The following CLUL1 variants were observed in gnomAD, a reference collection of about 807,000 sequenced individuals.
The protein encoded by CLUL1 is clusterin like 1.
Under a neutral mutation model 49.4 loss-of-function variants are expected in CLUL1, and 43 were observed. The observed-to-expected ratio is 0.87, with a 90% CI of 0.68 to 1.12. The LOEUF (loss-of-function observed/expected upper bound fraction) is 1.12. Among genes scored for constraint, CLUL1 ranks in the 50% most tolerant of loss-of-function variants. The pLI, the probability that CLUL1 is intolerant of heterozygous loss-of-function variation, is 0.00. For synonymous variants in CLUL1, 192 were observed against 184.9 expected, an observed-to-expected ratio of 1.04 and a Z score of -0.31; for missense variants, 486 against 544.4, an observed-to-expected ratio of 0.89 and a Z score of 1.07.
At position 633,229 on chromosome 18, in the gene CLUL1, G is replaced by A. The variant is rs2074037211; in HGVS notation, c.857-69G>A. On this transcript the variant is annotated intron_variant, in intron 6 of 9. Transcript: ENST00000692774. ...AAAGCACTGGTAAGAAAAAGCTGCG[G>A]CATTGTCTCCACTTCTTCAAAGTGC... 3.7e-6 allele frequency: 5 copies of A among 1,339,452 alleles called. No homozygotes were observed. In the South Asian group the frequency reaches 4.5e-5, roughly 12 times the overall value. The allele number at this position is 1,339,452 out of a possible 1,614,324, so 83.0% of individuals were successfully genotyped here.
At chr18:642,013 G>A (rs1016202303) in intron 8 of CLUL1, among the ~76,000 whole-genome samples, 2 of 152,190 alleles carry the variant, frequency 1.3e-5, no homozygotes, top group Non-Finnish European at 2.9e-5. Flanking sequence ...CCTATAAAGT[G>A]ATTAGTATAG....
intron 6 of CLUL1, among the ~76,000 whole-genome samples, chr18:630,739 T>G (rs2073972600): frequency 7.8e-6 from 1 of 128,694 alleles, no homozygotes; most frequent in Admixed American, 9.7e-5. Flanking sequence ...CAGGCTGGAG[T>G]GCAGTGGTGC....
At chr18:613,094 AT>A (rs1156822934) in intron 2 of CLUL1, 1 of 376,044 alleles carries the variant, frequency 2.7e-6, no homozygotes, top group African/African-American at 2.1e-5. Context: ...TCTAGATTCA[AT>A]GCCTACTTTT....
chr18:602,343 T>A (rs1156836048), intron 1 of CLUL1, among the ~76,000 whole-genome samples: 1 of 152,094 alleles, frequency 6.6e-6, no homozygotes, highest in Non-Finnish European at 1.5e-5. Flanking sequence ...CTCTATTTCT[T>A]CCCCTCTCCC....
chr18:649,437 C>A (rs1403932897), intron 9 of CLUL1, among the ~76,000 whole-genome samples: 1 of 152,134 alleles, frequency 6.6e-6, no homozygotes, highest in Non-Finnish European at 1.5e-5. Flanking sequence ...TCATAGCTGC[C>A]GGCCCTGGGA....
At chr18:644,479 C>T (rs753140402) in intron 8 of CLUL1, among the ~76,000 whole-genome samples, 12 of 152,206 alleles carry the variant, frequency 7.9e-5, no homozygotes, top group Non-Finnish European at 1.6e-4. Context: ...CAGCAAACAT[C>T]CCACCTCCTC....
chr18:622,966 C>A (rs1046439766), intron 4 of CLUL1, among the ~76,000 whole-genome samples: 1 of 151,504 alleles, frequency 6.6e-6, no homozygotes, highest in Non-Finnish European at 1.5e-5. Flanking sequence ...GGACAATGAG[C>A]AGAATATGTA....
chr18:617,805 TG>T (rs2073346123), intron 2 of CLUL1, among the ~76,000 whole-genome samples, 182 bp from the exon 3 acceptor site: 1 of 152,062 alleles, frequency 6.6e-6, no homozygotes, highest in Non-Finnish European at 1.5e-5. Context: ...GACTAGAATT[TG>T]TTTGTTTTTT....
chr18:641,292 T>A (rs1470617519), intron 7 of CLUL1, 35 bp from the exon 8 acceptor site: 1 of 1,595,536 alleles, frequency 6.3e-7, no homozygotes, highest in Admixed American at 1.7e-5. Flanking sequence ...TTTCATGGAC[T>A]TTTTCCTTCT....
At chr18:642,678 C>A (rs7237052) in intron 8 of CLUL1, among the ~76,000 whole-genome samples, 64,677 of 151,954 alleles carry the variant, frequency 0.43, 14,750 homozygotes, top group East Asian at 0.68. Context: ...ATTGAAGATG[C>A]AATATTCTGT....
chr18:649,534 T>C (rs1219051298), intron 9 of CLUL1: 1 of 166,476 alleles, frequency 6.0e-6, no homozygotes, highest in East Asian at 1.7e-4. Context: ...ATCATCATCA[T>C]CGTGAAAGGC....
chr18:650,025 T>C lies in CLUL1; in HGVS notation c.*124T>C. 1 of 641,086 alleles carries C rather than the reference T, an allele frequency of 1.6e-6. No individual in the cohort carries two copies. Among genetic ancestry groups the C allele is most frequent in the Non-Finnish European group, 2.7e-6 (1 of 369,410 alleles). 39.7% of individuals were successfully genotyped at this position (641,086 alleles called of 1,614,324 possible). ...GCAGGAAAGTATGTTAGCTATATAC[T>C]ATGAAGTACTCTTAGTTTACTTATG... On this transcript the variant is annotated 3_prime_UTR_variant, in exon 10 of 10. Transcript: ENST00000692774.
intron 7 of CLUL1, among the ~76,000 whole-genome samples, chr18:635,236 G>A (rs1307875023): frequency 1.3e-5 from 2 of 152,158 alleles, no homozygotes; most frequent in African/African-American, 2.4e-5. Flanking sequence ...AAAGATGGTG[G>A]GGCAGGGGGC....
intron 9 of CLUL1, among the ~76,000 whole-genome samples, chr18:645,813 ATATATATATAT>A (rs1567979912): frequency 0.024 from 1,369 of 57,020 alleles, 148 homozygotes; most frequent in African/African-American, 0.049. Context: ...AAAAAAAAAT[ATATATATATAT>A]ATATATATAT....
chr18:597,313 AGGCT>A (rs988636076), intron 1 of CLUL1, among the ~76,000 whole-genome samples, 184 bp downstream of exon 1: 3 of 149,984 alleles, frequency 2.0e-5, no homozygotes, highest in Non-Finnish European at 4.5e-5. Context: ...GCTGCTTCAG[AGGCT>A]GCCAGCAAAA....
chr18:624,136 C>T (rs535481617), intron 4 of CLUL1, among the ~76,000 whole-genome samples: 2 of 152,236 alleles, frequency 1.3e-5, no homozygotes, highest in South Asian at 4.1e-4. Flanking sequence ...GGGACAGGTG[C>T]CACTGCTGCT....
At position 627,426 on chromosome 18, in the gene CLUL1, C is replaced by T. The variant is rs1358039252; in HGVS notation, c.753C>T (p.Phe251=). 30 of 1,613,862 alleles carry T rather than the reference C, an allele frequency of 1.9e-5. No homozygotes were observed. Among genetic ancestry groups the T allele is most frequent in the Non-Finnish European group, 2.5e-5 (29 of 1,179,868 alleles). ...DLEQCWDIPN[F]FQLFCNFSVS... ...AGCAATGTTGGGACATTCCCAACTT[C>T]TTCCAGCTGTTTTGTAATTTCAGTG... Residue 251 remains phenylalanine (F), a synonymous_variant, in exon 6 of 10, where the codon TTC becomes TTT. Transcript: ENST00000692774.
intron 6 of CLUL1, among the ~76,000 whole-genome samples, chr18:631,452 G>T (rs2073992590): frequency 6.6e-6 from 1 of 152,186 alleles, no homozygotes; most frequent in Non-Finnish European, 1.5e-5. Flanking sequence ...AAACAGACAG[G>T]CAGGTGGGAG....
chr18:632,391 T>C (rs2074016786), intron 6 of CLUL1, among the ~76,000 whole-genome samples: 1 of 152,040 alleles, frequency 6.6e-6, no homozygotes, highest in Non-Finnish European at 1.5e-5. Flanking sequence ...AAAAAAAGAA[T>C]AGTAATAAAA....
Sources: allele counts gnomAD v4.1 joint callset (sites outside exome capture counted in the v4.1 genomes callset), GRCh38; gene constraint gnomAD v4.1.1; transcripts MANE v1.5; gene names NCBI Gene and HGNC (gene_info 2026-07-23, HGNC 2026-07-21).